SPHKAP: variants seen among roughly 807,000 people sequenced by gnomAD.
SPHKAP encodes the protein A-kinase anchor protein SPHKAP.
SPHKAP carries 67 observed loss-of-function variants against 137.5 expected under a neutral mutation model. That is an observed-to-expected ratio of 0.49 (90% CI 0.40 to 0.60). SPHKAP has a LOEUF of 0.60. Ranked by LOEUF, SPHKAP falls within the 20% of genes least tolerant of loss-of-function variation. The pLI is 0.00. For missense variants in SPHKAP, 2,097 were observed against 2,069.3 expected, an observed-to-expected ratio of 1.01 and a Z score of -0.26; for synonymous variants, 813 against 785.3, an observed-to-expected ratio of 1.04 and a Z score of -0.59.
chr2:228,117,324 G>A (rs981257682), intron 2 of SPHKAP, among the ~76,000 whole-genome samples: 9 of 152,100 alleles, frequency 5.9e-5, no homozygotes, highest in African/African-American at 2.2e-4. Context: ...GTGTGCTGGA[G>A]ATGTGGAGAG....
At chr2:228,064,305 T>G (rs896997440) in intron 3 of SPHKAP, among the ~76,000 whole-genome samples, 1 of 152,192 alleles carries the variant, frequency 6.6e-6, no homozygotes, top group Non-Finnish European at 1.5e-5. Context: ...CAACTTAGTA[T>G]TTATTGCACA....
At chr2:228,089,214 A>T (rs1355113270) in intron 3 of SPHKAP, among the ~76,000 whole-genome samples, 1 of 152,220 alleles carries the variant, frequency 6.6e-6, no homozygotes, top group Non-Finnish European at 1.5e-5. Flanking sequence ...TGGGAAATGG[A>T]GCAAAGGTCA....
intron 9 of SPHKAP, among the ~76,000 whole-genome samples, chr2:227,993,233 T>C (rs1219847965): frequency 2.0e-5 from 3 of 152,224 alleles, no homozygotes; most frequent in Non-Finnish European, 4.4e-5. Context: ...GATGGCATGG[T>C]ATAATTTAAA....
At chr2:228,113,746 G>C (rs570150803) in intron 2 of SPHKAP, among the ~76,000 whole-genome samples, 3 of 151,208 alleles carry the variant, frequency 2.0e-5, no homozygotes, top group Admixed American at 1.3e-4. Context: ...TTTGCCTTTG[G>C]TAAACAATTA....
intron 1 of SPHKAP, among the ~76,000 whole-genome samples, chr2:228,142,319 A>G (rs1699630674): frequency 6.6e-6 from 1 of 150,778 alleles, no homozygotes; most frequent in South Asian, 2.1e-4. Flanking sequence ...TCTGAAATTA[A>G]GAAAACATAT....
chr2:228,081,827 A>C (rs1215861415), intron 3 of SPHKAP, among the ~76,000 whole-genome samples: 1 of 152,144 alleles, frequency 6.6e-6, no homozygotes, highest in Non-Finnish European at 1.5e-5. Context: ...GTCAAAGGAC[A>C]CAAAATTTTA....
At chr2:228,142,615 G>T (rs1023712815) in intron 1 of SPHKAP, among the ~76,000 whole-genome samples, 1 of 152,084 alleles carries the variant, frequency 6.6e-6, no homozygotes, top group Admixed American at 6.6e-5. Context: ...ACCAAATACT[G>T]CAGTTTACCA....
intron 2 of SPHKAP, among the ~76,000 whole-genome samples, chr2:228,119,796 AG>A (rs1698850280): frequency 6.6e-6 from 1 of 152,194 alleles, no homozygotes; most frequent in Non-Finnish European, 1.5e-5. Flanking sequence ...ATTAAATGTT[AG>A]GATAACATTT....
chr2:228,110,050 T>A (rs10205109), intron 2 of SPHKAP, among the ~76,000 whole-genome samples: 51,675 of 150,702 alleles, frequency 0.34, 9,141 homozygotes, highest in East Asian at 0.5. Flanking sequence ...CTCTATTTTA[T>A]TAGGGTACGT....
intron 2 of SPHKAP, among the ~76,000 whole-genome samples, chr2:228,114,377 G>A (rs1050813575): frequency 6.6e-6 from 1 of 152,088 alleles, no homozygotes; most frequent in Non-Finnish European, 1.5e-5. Flanking sequence ...AAACATGACT[G>A]AGCAATGTCT....
intron 3 of SPHKAP, among the ~76,000 whole-genome samples, chr2:228,064,390 G>A (rs186486657): frequency 3.9e-5 from 6 of 152,272 alleles, no homozygotes; most frequent in Non-Finnish European, 5.9e-5. Flanking sequence ...TTTTAGTGAC[G>A]TATAATGTAG....
At chr2:228,127,235 A>G (rs935855001) in intron 2 of SPHKAP, among the ~76,000 whole-genome samples, 4 of 152,210 alleles carry the variant, frequency 2.6e-5, no homozygotes, top group Non-Finnish European at 5.9e-5. Flanking sequence ...TGCATTTAAC[A>G]CACAGACCTT....
intron 3 of SPHKAP, among the ~76,000 whole-genome samples, chr2:228,092,247 GTATA>G (rs200089917): frequency 2.1e-5 from 3 of 144,704 alleles, no homozygotes; most frequent in African/African-American, 7.7e-5. Flanking sequence ...ATACACACGT[GTATA>G]TGTGTGTATA....
chr2:228,110,946 GAAAAT>G (rs1288089613), intron 2 of SPHKAP, among the ~76,000 whole-genome samples: 3 of 151,774 alleles, frequency 2.0e-5, no homozygotes, highest in East Asian at 3.9e-4. Flanking sequence ...TGTTTTATTT[GAAAAT>G]AAAATAAAAA....
rs140672467 is a variant in SPHKAP, at chr2:228,146,752, G to A, written c.33-14667C>T. On this transcript the variant is annotated intron_variant, in intron 1 of 11. Transcript: ENST00000392056. The stretch of plus-strand genomic sequence containing the variant: ...ACGACCTTGTTCTTTGTTAACGACT[G>A]CATAATATTCCATGGTGTATATGTA... Among the ~76,000 whole-genome samples the A allele has an allele frequency of 1.9e-3, 296 of 152,322 alleles. 2 individuals are homozygous for A. Among genetic ancestry groups the A allele is most frequent in the African/African-American group, 6.9e-3 (286 of 41,568 alleles).
intron 1 of SPHKAP, among the ~76,000 whole-genome samples, chr2:228,160,904 T>C (rs1379181774): frequency 1.3e-5 from 2 of 152,240 alleles, no homozygotes; most frequent in Non-Finnish European, 2.9e-5. Flanking sequence ...CAGATAACAT[T>C]TATGTTTCAT....
At chr2:228,016,313 C>A in intron 7 of SPHKAP, 93 bp downstream of exon 7, 2 of 1,456,602 alleles carry the variant, frequency 1.4e-6, no homozygotes, top group Non-Finnish European at 1.8e-6. Context: ...TTGCACCAAT[C>A]AAATCCTTTA....
intron 1 of SPHKAP, among the ~76,000 whole-genome samples, chr2:228,163,937 G>T (rs1700349266): frequency 6.6e-6 from 1 of 152,130 alleles, no homozygotes; most frequent in Non-Finnish European, 1.5e-5. Flanking sequence ...CTTGATGGCT[G>T]GTAGAGTATT....
intron 1 of SPHKAP, among the ~76,000 whole-genome samples, chr2:228,153,264 A>G (rs1699994374): frequency 6.6e-6 from 1 of 152,166 alleles, no homozygotes; most frequent in Non-Finnish European, 1.5e-5. Context: ...ACAGGTTATT[A>G]TTAATATTGT....
Sources: gnomAD v4.1 joint callset for allele counts (sites outside exome capture counted in the v4.1 genomes callset) on GRCh38, gnomAD v4.1.1 for gene constraint, MANE v1.5 for transcripts, NCBI Gene and HGNC (gene_info 2026-07-23, HGNC 2026-07-21) for gene names.